OTX1: variants seen among roughly 807,000 people sequenced by gnomAD.
The protein encoded by OTX1 is homeobox protein OTX1.
OTX1 carries 7 observed loss-of-function variants against 26.7 expected under a neutral mutation model. The ratio of observed to expected loss-of-function variants is 0.26; its 90% CI spans 0.15 to 0.49. The LOEUF is 0.49. Among genes scored for constraint, OTX1 ranks in the 20% least tolerant of loss-of-function variants. The pLI, the probability that OTX1 is intolerant of heterozygous loss-of-function variation, is 0.98. For synonymous variants in OTX1, 216 were observed against 212.8 expected, an observed-to-expected ratio of 1.01 and a Z score of -0.13; for missense variants, 414 against 483.8, an observed-to-expected ratio of 0.86 and a Z score of 1.35.
intron 4 of OTX1, among the ~76,000 whole-genome samples, chr2:63,054,747 G>A (rs1259815123): frequency 6.6e-6 from 1 of 152,206 alleles, no homozygotes; most frequent in Non-Finnish European, 1.5e-5. Context: ...AAAGGGTTCC[G>A]ATGATAACGT....
chr2:63,054,322 A>G (rs1203970287), intron 4 of OTX1, 124 bp downstream of exon 4: 1 of 974,740 alleles, frequency 1.0e-6, no homozygotes, highest in Non-Finnish European at 1.4e-6. Context: ...CAGACTGGGC[A>G]GCCGCTCTCG....
upstream of OTX1, among the ~76,000 whole-genome samples, chr2:63,050,479 T>C (rs1243842143): frequency 6.6e-6 from 1 of 152,086 alleles, no homozygotes; most frequent in African/African-American, 2.4e-5. Flanking sequence ...TGCCACTCCC[T>C]CCGGAGCGCC....
Position 63,056,712 on chromosome 2 carries a change from T to G in OTX1, c.*396T>G, listed in dbSNP as rs911849078. 1 of 211,340 alleles carries G rather than the reference T, an allele frequency of 4.7e-6. No individual in the cohort carries two copies. Among genetic ancestry groups the G allele is most frequent in the African/African-American group, 2.3e-5 (1 of 44,084 alleles). The allele number at this position is 211,340 out of a possible 1,614,324, so 13.1% of individuals were successfully genotyped here. On this transcript the variant is annotated 3_prime_UTR_variant, in exon 5 of 5. Transcript: ENST00000282549. The stretch of plus-strand genomic sequence containing the variant: ...TTGAGCCCAACACTTTAATTTATTC[T>G]TTCTGGACACTGGAGTCACTAACTG...
In OTX1 at chr2:63,054,229, T is replaced by C. The variant is rs772136344; in HGVS notation, c.249+31T>C. On this transcript the variant is annotated intron_variant, in intron 4 of 4. Transcript: ENST00000282549. ...CACTCCCCGGGCTCCAGGGTCTGGG[T>C]AGGGGAGCTGAGGCTGCTCGGGGAA... The C allele has an allele frequency of 3.9e-6, 6 of 1,546,800 alleles. No homozygotes were observed. In the Admixed American group the frequency reaches 5.7e-5, roughly 15 times the overall value.
At position 63,053,934 on chromosome 2, in the gene OTX1, C is replaced by A. The variant is rs981561191; in HGVS notation, c.98-113C>A. 6 of 1,257,158 alleles carry A rather than the reference C, an allele frequency of 4.8e-6. No homozygotes were observed. The highest frequency in any genetic ancestry group is 6.0e-5 in the Admixed American group (2 of 33,320). The allele number at this position is 1,257,158 out of a possible 1,614,324, so 77.9% of individuals were successfully genotyped here. On this transcript the variant is annotated intron_variant, in intron 3 of 4. Coordinates refer to ENST00000282549, the MANE Select transcript of OTX1 (RefSeq NM_014562.4). ...GAGGGAGTTTCTTTTATTCCCAGTTCGGCTTTCTTTTGCGAAGGCCGAGAT... is the reference window on the plus strand; with the variant it reads ...GAGGGAGTTTCTTTTATTCCCAGTTAGGCTTTCTTTTGCGAAGGCCGAGAT...
intron 3 of OTX1, 54 bp from the exon 4 acceptor site, chr2:63,053,993 T>C (rs1212325928): frequency 1.3e-6 from 2 of 1,589,884 alleles, no homozygotes; most frequent in South Asian, 1.1e-5. Context: ...GAGTCCTCTA[T>C]CGCGGGTCCA....
At chr2:63,054,443 G>C (rs1254861513) in intron 4 of OTX1, among the ~76,000 whole-genome samples, 1 of 152,248 alleles carries the variant, frequency 6.6e-6, no homozygotes, top group Non-Finnish European at 1.5e-5. Flanking sequence ...TGTCGGTATC[G>C]AAAGTACTTT....
chr2:63,050,993 C>G (rs187209101), intron 1 of OTX1, 96 bp downstream of exon 1: 1 of 152,284 alleles, frequency 6.6e-6, no homozygotes, highest in South Asian at 2.1e-4. Context: ...GCGGCAACGC[C>G]GAGCCACCTC....
At position 63,055,965 on chromosome 2, in the gene OTX1, C is replaced by T. The variant is rs750447807; in HGVS notation, c.714C>T (p.Pro238=). The T allele has an allele frequency of 1.2e-6, 2 of 1,613,472 alleles. No homozygotes were observed. Among genetic ancestry groups the T allele is most frequent in the Non-Finnish European group, 1.7e-6 (2 of 1,180,038 alleles). ...GCTACGGCCAAGGCTACCCTACGCCCTCCTCTTCCTACTTTGGCGGCGTGG... is the reference window on the plus strand; with the variant it reads ...GCTACGGCCAAGGCTACCCTACGCCTTCCTCTTCCTACTTTGGCGGCGTGG... ...GGSYGQGYPT[P]SSSYFGGVDC... The change falls in exon 5 of 5, where the codon CCC becomes CCT. Residue 238 remains proline, a synonymous_variant. Transcript: ENST00000282549. This position sits in a 1 kb window ranked among gnomAD's most constrained non-coding sequence, Gnocchi z 5.2.
In OTX1 at chr2:63,056,253, C is replaced by A; in HGVS notation, c.1002C>A (p.Asn334Lys). ...AAAASSAWKL[N>K]FNSPDCLDYK... ...CTGCTTCCTCCGCCTGGAAACTCAA[C>A]TTCAACTCCCCCGACTGTCTGGACT... is the stretch of plus-strand genomic sequence containing the variant. The change falls in exon 5 of 5, where the codon AAC (asparagine) becomes AAA (lysine). Residue 334 changes from asparagine (N) to lysine (K), a missense_variant. Coordinates refer to ENST00000282549, the MANE Select transcript of OTX1 (RefSeq NM_014562.4). 6.2e-7 allele frequency: 1 copy of A among 1,614,148 alleles called. No individual in the cohort carries two copies. Among genetic ancestry groups the A allele is most frequent in the Non-Finnish European group, 8.5e-7 (1 of 1,180,034 alleles).
chr2:63,056,370 C>G lies in OTX1; in HGVS notation c.*54C>G. The G allele has an allele frequency of 6.8e-7, 1 of 1,473,302 alleles. No homozygotes were observed. Among genetic ancestry groups the G allele is most frequent in the Non-Finnish European group, 9.3e-7 (1 of 1,073,440 alleles). 91.3% of individuals were successfully genotyped at this position (1,473,302 alleles called of 1,614,324 possible). A position where few individuals can be genotyped will look rare whatever the true frequency, so the allele number is the denominator to read the frequency against. ...CAACTACCTGCGCCCTCCGTGGTCCCGATCCTGTTGCTGCTGCTGCACCGC... is the reference window on the plus strand; with the variant it reads ...CAACTACCTGCGCCCTCCGTGGTCCGGATCCTGTTGCTGCTGCTGCACCGC... On this transcript the variant is annotated 3_prime_UTR_variant, in exon 5 of 5. Transcript: ENST00000282549.
In OTX1 at chr2:63,053,046, G is replaced by C. The variant is rs1240630620; in HGVS notation, c.56G>C (p.Gly19Ala). ...PYGMNGLGLAGPAMDLLHPSV... is the reference protein window; with the variant it reads ...PYGMNGLGLAAPAMDLLHPSV... ...GGCATGAACGGGCTGGGCCTGGCCG[G>C]GCCCGCCATGGACCTCCTGCACCCA... Residue 19 changes from glycine (G) to alanine (A), a missense_variant, in exon 3 of 5, where the codon GGG becomes GCG. Physicochemically the swap from Gly to Ala is moderately conservative, Grantham distance 60. Transcript: ENST00000282549. 1.9e-6 allele frequency: 3 copies of C among 1,604,374 alleles called. No individual in the cohort carries two copies. Among genetic ancestry groups the C allele is most frequent in the Non-Finnish European group, 2.6e-6 (3 of 1,176,406 alleles).
At position 63,057,146 on chromosome 2, in the gene OTX1, TACATATATATATAC is replaced by T. The variant is rs1177224754; in HGVS notation, c.*840_*853del. ...TATATACAGCACATATATATATATA[TACATATATATATAC>T]ACATATATAAAAAACAAAAGCAAAA... On this transcript the variant is annotated 3_prime_UTR_variant, in exon 5 of 5. Coordinates refer to ENST00000282549, the MANE Select transcript of OTX1 (RefSeq NM_014562.4). 4 of 151,110 alleles carry T rather than the reference TACATATATATATAC, an allele frequency of 2.6e-5. No homozygotes were observed. Among genetic ancestry groups the T allele is most frequent in the African/African-American group, 9.7e-5 (4 of 41,178 alleles). 9.4% of individuals were successfully genotyped at this position (151,110 alleles called of 1,614,324 possible). A position where few individuals can be genotyped will look rare whatever the true frequency, so the allele number is the denominator to read the frequency against.
chr2:63,050,469 T>C (rs2153387520), upstream of OTX1, among the ~76,000 whole-genome samples: 1 of 152,248 alleles, frequency 6.6e-6, no homozygotes, highest in African/African-American at 2.4e-5. Context: ...GCCTCCTCCC[T>C]GCCACTCCCT....
At position 63,053,893 on chromosome 2, in the gene OTX1, T is replaced by C. The variant is rs1269454022; in HGVS notation, c.98-154T>C. ...TGCACTTTCTCCCACCTGTGGCCTC[T>C]CAGGCTCGGCCGCCCGAGGGAGTTT... On this transcript the variant is annotated intron_variant, in intron 3 of 4. Transcript: ENST00000282549. 4 of 834,458 alleles carry C rather than the reference T, an allele frequency of 4.8e-6. No homozygotes were observed. In the African/African-American group the frequency reaches 5.3e-5, roughly 11 times the overall value. The allele number at this position is 834,458 out of a possible 1,614,324, so 51.7% of individuals were successfully genotyped here.
chr2:63,054,701 C>A (rs1445167446), intron 4 of OTX1, among the ~76,000 whole-genome samples: 2 of 152,246 alleles, frequency 1.3e-5, no homozygotes, highest in Non-Finnish European at 2.9e-5. Flanking sequence ...AGTGCAAAAT[C>A]CTGCTGCCGG....
Position 63,055,377 on chromosome 2 carries a change from G to A in OTX1, c.250-124G>A, listed in dbSNP as rs927750004. The A allele has an allele frequency of 2.9e-6, 3 of 1,033,236 alleles. No homozygotes were observed. The East Asian group carries it at 7.8e-5, about 27-fold the overall frequency. 64.0% of individuals were successfully genotyped at this position (1,033,236 alleles called of 1,614,324 possible). Reference sequence around the variant, plus strand: ...GTCTGGCCAGGCCAGAGACAGGAAGGGGCGGAGGCCTCGGTGAGAAAGGAT... The same window carrying A: ...GTCTGGCCAGGCCAGAGACAGGAAGAGGCGGAGGCCTCGGTGAGAAAGGAT... On this transcript the variant is annotated intron_variant, in intron 4 of 4. Transcript: ENST00000282549. The surrounding 1 kb of genome is among the most constrained non-coding windows in gnomAD (Gnocchi z 5.2).
rs1559120180 is a variant in OTX1 at position 63,056,432 on chromosome 2, A to AC, written c.*122dup. The AC allele has an allele frequency of 2.1e-6, 2 of 959,492 alleles. No homozygotes were observed. The highest frequency in any genetic ancestry group is 3.1e-6 in the Non-Finnish European group (2 of 653,598). The allele number at this position is 959,492 out of a possible 1,614,324, so 59.4% of individuals were successfully genotyped here. On this transcript the variant is annotated 3_prime_UTR_variant, in exon 5 of 5. Transcript: ENST00000282549. The stretch of plus-strand genomic sequence containing the variant: ...TCGTCTTCTCCAAAACTGAATTTTC[A>AC]CCCCCCAAAAAGATGTCCATTGCCT...
chr2:63,053,514 T>C, intron 3 of OTX1: 1 of 183,088 alleles, frequency 5.5e-6, no homozygotes. Flanking sequence ...GAAGGAGTAT[T>C]CTTCCTCCCT....
Sources: allele counts gnomAD v4.1 joint callset (sites outside exome capture counted in the v4.1 genomes callset), GRCh38; gene constraint gnomAD v4.1.1; non-coding constraint Gnocchi (gnomAD v3.1); transcripts MANE v1.5; gene names NCBI Gene and HGNC (gene_info 2026-07-23, HGNC 2026-07-21).